Variants in SH2D3C observed in about 807,000 individuals in gnomAD.
SH2D3C encodes the protein SH2 domain containing 3C.
Under a neutral mutation model 75.2 loss-of-function variants are expected in SH2D3C, and 25 were observed. The ratio of observed to expected loss-of-function variants is 0.33; its 90% CI spans 0.24 to 0.46. The LOEUF (loss-of-function observed/expected upper bound fraction) is 0.46, where lower values mean the gene tolerates loss of function less well. Among genes scored for constraint, SH2D3C ranks in the 20% least tolerant of loss-of-function variants. The pLI is 1.00. For missense variants in SH2D3C, 933 were observed against 1,165.3 expected (o/e 0.80, Z 2.90); for synonymous variants, 450 against 473.7 (o/e 0.95, Z 0.65).
intron 7 of SH2D3C, 84 bp downstream of exon 7, chr9:127,744,480 G>A: frequency 6.7e-7 from 1 of 1,485,078 alleles, no homozygotes; most frequent in African/African-American, 1.4e-5. Context: ...TGCTGTACTT[G>A]GGGAATCTGG....
At chr9:127,776,364 G>C (rs953686095) in intron 1 of SH2D3C, among the ~76,000 whole-genome samples, 3 of 152,024 alleles carry the variant, frequency 2.0e-5, no homozygotes, top group Non-Finnish European at 4.4e-5. Flanking sequence ...TGTGCACCTG[G>C]GGTGGGGGTG....
At position 127,776,119 on chromosome 9, in the gene SH2D3C, G is replaced by A. The variant is rs373243364; in HGVS notation, c.38-1652C>T. 3.0e-4 allele frequency among the ~76,000 whole-genome samples: 46 copies of A among 152,258 alleles called. No individual in the cohort carries two copies. In the East Asian group the frequency reaches 7.2e-3, roughly 24 times the overall value. On this transcript the variant is annotated intron_variant, in intron 1 of 11. Transcript: ENST00000314830. ...GTTGGGATTACAGGGGTAAGACACC[G>A]TGCCTGGCCACTAATAATAATAATT...
At chr9:127,752,643 C>T (rs1845234851) in intron 3 of SH2D3C, among the ~76,000 whole-genome samples, 1 of 152,150 alleles carries the variant, frequency 6.6e-6, no homozygotes, top group South Asian at 2.1e-4. Flanking sequence ...CCCATACTGC[C>T]TGGGTTTAGC....
intron 3 of SH2D3C, among the ~76,000 whole-genome samples, chr9:127,760,820 A>T (rs909446650): frequency 1.3e-5 from 2 of 151,914 alleles, no homozygotes; most frequent in African/African-American, 4.8e-5. Context: ...GTTATTTATG[A>T]TTATTATTAT....
chr9:127,741,704 G>C, intron 9 of SH2D3C, 84 bp downstream of exon 9: 1 of 1,477,162 alleles, frequency 6.8e-7, no homozygotes, highest in South Asian at 1.3e-5. Flanking sequence ...AGCTCCTCCT[G>C]ATTCCATATA....
At chr9:127,755,263 A>G (rs937344617) in intron 3 of SH2D3C, 10 of 995,824 alleles carry the variant, frequency 1.0e-5, no homozygotes, top group African/African-American at 1.8e-5. Flanking sequence ...CGTGCCTCTC[A>G]GCGGCGCGAT....
At chr9:127,757,853 G>T (rs1845434979) in intron 3 of SH2D3C, among the ~76,000 whole-genome samples, 1 of 151,862 alleles carries the variant, frequency 6.6e-6, no homozygotes, top group Non-Finnish European at 1.5e-5. Context: ...TAGAGATGGG[G>T]TTTCTCCATG....
At chr9:127,761,036 T>G (rs1159148877) in intron 3 of SH2D3C, among the ~76,000 whole-genome samples, 1 of 152,128 alleles carries the variant, frequency 6.6e-6, no homozygotes, top group Non-Finnish European at 1.5e-5. Flanking sequence ...AGATGGGGTT[T>G]CACCATGTTG....
At chr9:127,756,195 A>G (rs958986059) in intron 3 of SH2D3C, among the ~76,000 whole-genome samples, 1 of 152,202 alleles carries the variant, frequency 6.6e-6, no homozygotes, top group Non-Finnish European at 1.5e-5. Context: ...CCAGCTACTC[A>G]GGAGGCTGAG....
At chr9:127,776,890 C>T (rs755143655) in intron 1 of SH2D3C, among the ~76,000 whole-genome samples, 2 of 152,174 alleles carry the variant, frequency 1.3e-5, no homozygotes, top group Non-Finnish European at 2.9e-5. Context: ...AATGTGGCCG[C>T]TCTGCTGCAT....
At chr9:127,759,824 A>T (rs1245694102) in intron 3 of SH2D3C, among the ~76,000 whole-genome samples, 1 of 151,940 alleles carries the variant, frequency 6.6e-6, no homozygotes, top group Admixed American at 6.6e-5. Context: ...TCTACTAAAA[A>T]TATAAAAAAT....
In SH2D3C at chr9:127,767,010, A is replaced by G. The variant is rs913040599; in HGVS notation, c.516-5360T>C. 4 of 1,536,046 alleles carry G rather than the reference A, an allele frequency of 2.6e-6. No homozygotes were observed. In the African/African-American group the frequency reaches 4.1e-5, roughly 16 times the overall value. On this transcript the variant is annotated intron_variant, in intron 2 of 11. Coordinates refer to ENST00000314830, the MANE Select transcript of SH2D3C (RefSeq NM_170600.3). ...CCCCGTCTCTGCCAGGACACCAGCC[A>G]TGGGGCCTGTGGGATTCCCTGCCGG...
chr9:127,744,434 C>CA, intron 7 of SH2D3C, 130 bp downstream of exon 7: 1 of 1,202,598 alleles, frequency 8.3e-7, no homozygotes, highest in Non-Finnish European at 1.2e-6. Flanking sequence ...ACAGAGCAGG[C>CA]AAAGGACAGC....
At position 127,744,882 on chromosome 9, in the gene SH2D3C, G is replaced by A. The variant is rs375317237; in HGVS notation, c.1482C>T (p.His494=). The part of the protein sequence containing the change: ...LSSYSDPDSG[H]YCQLQPPVRG... ...GCACGGGAGGCTGGAGCTGGCAGTA[G>A]TGGCCAGAGTCCGGGTCACTGTAGC... The change falls in exon 7 of 12, where the codon CAC becomes CAT. Residue 494 remains histidine (H), a synonymous_variant. Coordinates refer to ENST00000314830, the MANE Select transcript of SH2D3C (RefSeq NM_170600.3). 34 of 1,613,596 alleles carry A rather than the reference G, an allele frequency of 2.1e-5. No homozygotes were observed. The highest frequency in any genetic ancestry group is 1.6e-4 in the Middle Eastern group (1 of 6,082).
chr9:127,753,775 C>G (rs969548572), intron 3 of SH2D3C, among the ~76,000 whole-genome samples: 3 of 152,242 alleles, frequency 2.0e-5, no homozygotes. Flanking sequence ...AGCCTTCTGG[C>G]GTCCTCCTTG....
At chr9:127,740,733 T>G (rs972000815) in intron 9 of SH2D3C, among the ~76,000 whole-genome samples, 3 of 152,244 alleles carry the variant, frequency 2.0e-5, no homozygotes, top group Non-Finnish European at 1.5e-5. Context: ...CAGGCTGGAG[T>G]GCAGTGGCGC....
At position 127,774,829 on chromosome 9, in the gene SH2D3C, C is replaced by T. The variant is rs907156391; in HGVS notation, c.38-362G>A. ...CTTAGGCCAGGCGTGGTGGCTCATG[C>T]CTGTAATCCCAGCACTTTGGGAGGC... On this transcript the variant is annotated intron_variant, in intron 1 of 11. Transcript: ENST00000314830. This position sits in a 1 kb window ranked among gnomAD's most constrained non-coding sequence, Gnocchi z 4.3. Among the ~76,000 whole-genome samples the T allele has an allele frequency of 6.6e-6, 1 of 152,206 alleles. No homozygotes were observed. Among genetic ancestry groups the T allele is most frequent in the African/African-American group, 2.4e-5 (1 of 41,452 alleles).
At chr9:127,762,178 C>A in intron 2 of SH2D3C, 1 of 1,182,910 alleles carries the variant, frequency 8.5e-7, no homozygotes, top group African/African-American at 1.6e-5. Context: ...CAGCTGACTG[C>A]GGAGCCACTG....
intron 7 of SH2D3C, among the ~76,000 whole-genome samples, chr9:127,743,464 C>T (rs542164625): frequency 6.6e-6 from 1 of 152,310 alleles, no homozygotes; most frequent in South Asian, 2.1e-4. Flanking sequence ...TATCACGCCA[C>T]TGCACTCCAG....
Sources: allele counts gnomAD v4.1 joint callset (sites outside exome capture counted in the v4.1 genomes callset), GRCh38; gene constraint gnomAD v4.1.1; non-coding constraint Gnocchi (gnomAD v3.1); transcripts MANE v1.5; gene names NCBI Gene and HGNC (gene_info 2026-07-23, HGNC 2026-07-21).